CDKAL1: variants seen among roughly 807,000 people sequenced by gnomAD.
CDKAL1 encodes threonylcarbamoyladenosine tRNA methylthiotransferase.
A neutral mutation model predicts 68.2 loss-of-function variants in CDKAL1; 32 were observed. The observed-to-expected ratio is 0.47, with a 90% CI of 0.35 to 0.63. The LOEUF (loss-of-function observed/expected upper bound fraction) is 0.63. Among genes scored for constraint, CDKAL1 ranks in the 30% least tolerant of loss-of-function variants. The pLI is 0.00. For missense variants in CDKAL1, 606 were observed against 696.7 expected, an observed-to-expected ratio of 0.87 and a Z score of 1.47; for synonymous variants, 234 against 244.3, an observed-to-expected ratio of 0.96 and a Z score of 0.39.
At chr6:20,831,413 C>T (rs951656845) in intron 8 of CDKAL1, among the ~76,000 whole-genome samples, 5 of 90,762 alleles carry the variant, frequency 5.5e-5, no homozygotes, top group African/African-American at 1.3e-4. Flanking sequence ...GATGTGCGGA[C>T]GAGTGTTGTT....
At chr6:20,823,725 T>TA (rs1777383930) in intron 8 of CDKAL1, among the ~76,000 whole-genome samples, 2 of 152,172 alleles carry the variant, frequency 1.3e-5, no homozygotes, top group Non-Finnish European at 2.9e-5. Context: ...CGGTGAACAA[T>TA]TATTTGAGAA....
chr6:20,575,309 A>G (rs1410870622), intron 4 of CDKAL1, among the ~76,000 whole-genome samples: 1 of 152,090 alleles, frequency 6.6e-6, no homozygotes. Flanking sequence ...ATATCAGTAA[A>G]TCATTGCTGT....
intron 11 of CDKAL1, among the ~76,000 whole-genome samples, chr6:21,007,422 A>G (rs1045393165): frequency 2.1e-5 from 3 of 142,156 alleles, no homozygotes; most frequent in African/African-American, 5.2e-5. Context: ...GGCAGAGGCT[A>G]CCATGAGCCG....
chr6:20,758,696 TAGAAACACCACTCAGG>T, intron 7 of CDKAL1, 53 bp downstream of exon 7: 1 of 1,334,770 alleles, frequency 7.5e-7, no homozygotes, highest in Non-Finnish European at 1.1e-6. Flanking sequence ...AACTACATAG[TAGAAACACCACTCAGG>T]TAACTCTTGC....
chr6:21,089,494 G>C lies in CDKAL1; in HGVS notation c.1237-18907G>C, dbSNP rs535694576. On this transcript the variant is annotated intron_variant, in intron 12 of 15. Transcript: ENST00000274695. Reference sequence around the variant, plus strand: ...CCTGTCTCTAGAAAAAAAAACAAAAGTGCAAATAGCAAATTAAAATAGGCA... The same window carrying C: ...CCTGTCTCTAGAAAAAAAAACAAAACTGCAAATAGCAAATTAAAATAGGCA... Among the ~76,000 whole-genome samples the C allele has an allele frequency of 8.5e-5, 13 of 152,094 alleles. No individual in the cohort carries two copies. The South Asian group carries it at 2.7e-3, about 32-fold the overall frequency.
chr6:21,178,220 T>C (rs961489536), intron 13 of CDKAL1, among the ~76,000 whole-genome samples: 3 of 152,200 alleles, frequency 2.0e-5, no homozygotes, highest in Non-Finnish European at 2.9e-5. Flanking sequence ...AGTAAGATGA[T>C]AGAGAAAAGG....
At chr6:20,883,219 G>A (rs1161965487) in intron 9 of CDKAL1, among the ~76,000 whole-genome samples, 2 of 152,198 alleles carry the variant, frequency 1.3e-5, no homozygotes, top group Non-Finnish European at 2.9e-5. Context: ...CTTTCAGTAG[G>A]TGGCTGGATA....
At chr6:21,199,247 T>C (rs1778591235) in intron 14 of CDKAL1, among the ~76,000 whole-genome samples, 1 of 152,108 alleles carries the variant, frequency 6.6e-6, no homozygotes, top group African/African-American at 2.4e-5. Context: ...GCCCCCAGCA[T>C]TGACATTCCC....
chr6:20,635,939 G>A (rs528690924), intron 4 of CDKAL1, among the ~76,000 whole-genome samples: 4 of 152,292 alleles, frequency 2.6e-5, no homozygotes, highest in South Asian at 2.1e-4. Context: ...GAGAAATATG[G>A]TAGGGTAAAA....
intron 9 of CDKAL1, among the ~76,000 whole-genome samples, chr6:20,917,757 G>A (rs759781061): frequency 2.0e-5 from 3 of 152,104 alleles, no homozygotes; most frequent in Non-Finnish European, 4.4e-5. Flanking sequence ...AGTATCACAT[G>A]TATTTTTGAA....
chr6:20,672,162 G>C (rs374497863), intron 5 of CDKAL1, among the ~76,000 whole-genome samples: 1 of 142,514 alleles, frequency 7.0e-6, no homozygotes, highest in Non-Finnish European at 1.6e-5. Flanking sequence ...CTCTCCTTCT[G>C]CCTCTCCCTC....
intron 5 of CDKAL1, among the ~76,000 whole-genome samples, chr6:20,713,036 C>T (rs1771922528): frequency 6.6e-6 from 1 of 151,436 alleles, no homozygotes; most frequent in African/African-American, 2.4e-5. Flanking sequence ...TCATGTAGTT[C>T]TTACTTCTGT....
intron 9 of CDKAL1, among the ~76,000 whole-genome samples, chr6:20,896,119 T>TTTG (rs757829127): frequency 7.3e-6 from 1 of 136,440 alleles, no homozygotes; most frequent in Admixed American, 7.6e-5. Context: ...TTTTTTTTTT[T>TTTG]GAGATGGAGT....
At chr6:20,957,042 A>G (rs1228765917) in intron 10 of CDKAL1, among the ~76,000 whole-genome samples, 1 of 148,996 alleles carries the variant, frequency 6.7e-6, no homozygotes, top group Non-Finnish European at 1.5e-5. Flanking sequence ...CAAATATGCT[A>G]AGAGCTGTGA....
chr6:21,055,385 C>CT (rs1396850049), intron 11 of CDKAL1, among the ~76,000 whole-genome samples: 3 of 151,540 alleles, frequency 2.0e-5, no homozygotes, highest in South Asian at 4.2e-4. Flanking sequence ...TCTTTTTTTA[C>CT]TTTTTTTTAA....
At chr6:21,030,354 C>G (rs1460764114) in intron 11 of CDKAL1, among the ~76,000 whole-genome samples, 1 of 152,116 alleles carries the variant, frequency 6.6e-6, no homozygotes, top group Non-Finnish European at 1.5e-5. Context: ...GGAGGGAGAG[C>G]ATTAGGACAA....
intron 9 of CDKAL1, among the ~76,000 whole-genome samples, chr6:20,938,793 G>A (rs193211166): frequency 4.6e-5 from 7 of 152,008 alleles, no homozygotes; most frequent in African/African-American, 1.7e-4. Context: ...ATATATATAG[G>A]TATTTTCTGA....
intron 12 of CDKAL1, among the ~76,000 whole-genome samples, chr6:21,087,915 T>C (rs1400187720): frequency 2.0e-5 from 3 of 152,190 alleles, no homozygotes; most frequent in Non-Finnish European, 4.4e-5. Context: ...CGCTTCTCTC[T>C]AACATCCAAC....
At chr6:20,648,512 C>G (rs1421785038) in intron 4 of CDKAL1, among the ~76,000 whole-genome samples, 1 of 151,430 alleles carries the variant, frequency 6.6e-6, no homozygotes, top group East Asian at 1.9e-4. Flanking sequence ...TTGAATCTTT[C>G]TTCCTAGGTG....
Sources: allele counts gnomAD v4.1 joint callset (sites outside exome capture counted in the v4.1 genomes callset), GRCh38; gene constraint gnomAD v4.1.1; transcripts MANE v1.5; gene names NCBI Gene and HGNC (gene_info 2026-07-23, HGNC 2026-07-21).